EYA4: variants seen among roughly 807,000 people sequenced by gnomAD.
EYA4 encodes the protein EYA transcriptional coactivator and phosphatase 4, also known as protein phosphatase EYA4.
Under a neutral mutation model 87.9 loss-of-function variants are expected in EYA4, and 31 were observed. The ratio of observed to expected loss-of-function variants is 0.35; its 90% confidence interval spans 0.27 to 0.48. The LOEUF (loss-of-function observed/expected upper bound fraction) is 0.48. Ranked by LOEUF, EYA4 falls within the 20% of genes least tolerant of loss-of-function variation. The pLI, the probability that EYA4 is intolerant of heterozygous loss-of-function variation, is 0.99. For missense variants in EYA4, 678 were observed against 761.4 expected, an observed-to-expected ratio of 0.89 and a Z score of 1.29; for synonymous variants, 263 against 270.6, an observed-to-expected ratio of 0.97 and a Z score of 0.28.
At chr6:133,490,651 G>T (rs1450046060) in intron 13 of EYA4, among the ~76,000 whole-genome samples, 1 of 151,932 alleles carries the variant, frequency 6.6e-6, no homozygotes, top group Non-Finnish European at 1.5e-5. Flanking sequence ...TCAGCAACAG[G>T]ATATAACAAT....
rs191313811 is a variant in EYA4 at position 133,268,632 on chromosome 6, T to A, written c.-65-6084T>A. 5.9e-5 allele frequency among the ~76,000 whole-genome samples: 9 copies of A among 152,266 alleles called. No individual in the cohort carries two copies. The East Asian group carries it at 1.7e-3, about 29-fold the overall frequency. On this transcript the variant is annotated intron_variant, in intron 1 of 19. Coordinates refer to ENST00000355286, the MANE Select transcript of EYA4 (RefSeq NM_004100.5). ...CACTTAACTATTTGCGTGCATCATT[T>A]CCAAGGTGAACCTGAGCCAGAGTGG...
intron 11 of EYA4, among the ~76,000 whole-genome samples, chr6:133,469,919 C>A (rs1795181901): frequency 6.6e-6 from 1 of 151,966 alleles, no homozygotes; most frequent in Non-Finnish European, 1.5e-5. Flanking sequence ...TGTCCTTCGC[C>A]CACTTTTTGA....
rs1485897156 is a variant in EYA4, at chr6:133,342,605, A to ATATATATATATATATATATATATATC, written c.34-39787_34-39786insTATATATATATATATATATATATATC. ...TATATATATATATATATATATATATAATTCTTTATATTTCTCTGGGCTTAA... is the reference window on the plus strand; with the variant it reads ...TATATATATATATATATATATATATATATATATATATATATATATATATATCATTCTTTATATTTCTCTGGGCTTAA... On this transcript the variant is annotated intron_variant, in intron 2 of 19. Transcript: ENST00000355286. Among the ~76,000 whole-genome samples the ATATATATATATATATATATATATATC allele has an allele frequency of 1.4e-4, 18 of 130,432 alleles. 1 individual carries two copies. The highest frequency in any genetic ancestry group is 5.9e-4 in the African/African-American group (18 of 30,494). 85.6% of individuals were successfully genotyped at this position (130,432 alleles called of 152,430 possible). A position where few individuals can be genotyped will look rare whatever the true frequency, so the allele number is the denominator to read the frequency against.
At position 133,264,779 on chromosome 6, in the gene EYA4, G is replaced by A. The variant is rs116195336; in HGVS notation, c.-65-9937G>A. 3.2e-3 allele frequency among the ~76,000 whole-genome samples: 492 copies of A among 152,216 alleles called. 2 individuals carry two copies. The highest frequency in any genetic ancestry group is 0.011 in the African/African-American group (454 of 41,536). On this transcript the variant is annotated intron_variant, in intron 1 of 19. Transcript: ENST00000355286. ...TGTGCCCCCTCCACTCCATGTTCAC[G>A]TTTCTTTAGCCAGAGCAAAGCATGC...
intron 3 of EYA4, among the ~76,000 whole-genome samples, chr6:133,388,406 C>CA (rs34444252): frequency 0.58 from 74,825 of 129,090 alleles, 23,774 homozygotes; most frequent in Non-Finnish European, 0.74. Context: ...GACTCGGTCT[C>CA]AAAAAAAAAA....
chr6:133,480,091 C>G (rs1036667871), intron 11 of EYA4, among the ~76,000 whole-genome samples: 1 of 151,936 alleles, frequency 6.6e-6, no homozygotes, highest in Non-Finnish European at 1.5e-5. Context: ...GTTAAATCCC[C>G]CAGATTGTGT....
intron 13 of EYA4, among the ~76,000 whole-genome samples, chr6:133,490,664 T>G (rs1797071349): frequency 6.6e-6 from 1 of 152,186 alleles, no homozygotes; most frequent in Non-Finnish European, 1.5e-5. Context: ...ATAACAATTT[T>G]AAATGTATAT....
At chr6:133,308,944 T>G (rs562015316) in intron 2 of EYA4, among the ~76,000 whole-genome samples, 47 of 139,884 alleles carry the variant, frequency 3.4e-4, no homozygotes, top group African/African-American at 1.2e-3. Context: ...CAGAGAGGTA[T>G]TTTTTTGAAT....
intron 1 of EYA4, among the ~76,000 whole-genome samples, chr6:133,272,489 G>C (rs1376135116): frequency 1.3e-5 from 2 of 152,198 alleles, no homozygotes; most frequent in African/African-American, 4.8e-5. Flanking sequence ...CCCAGTTCAT[G>C]ATAGCCAGTT....
At chr6:133,283,995 A>G (rs1246102404) in intron 2 of EYA4, among the ~76,000 whole-genome samples, 1 of 152,124 alleles carries the variant, frequency 6.6e-6, no homozygotes, top group Non-Finnish European at 1.5e-5. Context: ...AGTTCCATCC[A>G]TGCTACTGCT....
At chr6:133,475,765 G>A (rs1346060858) in intron 11 of EYA4, among the ~76,000 whole-genome samples, 1 of 152,094 alleles carries the variant, frequency 6.6e-6, no homozygotes, top group Non-Finnish European at 1.5e-5. Flanking sequence ...TTAAAAAAAA[G>A]TGTCAACAAA....
intron 2 of EYA4, among the ~76,000 whole-genome samples, chr6:133,276,400 C>T (rs1777167342): frequency 6.6e-6 from 1 of 151,984 alleles, no homozygotes; most frequent in South Asian, 2.1e-4. Context: ...TGTATATACT[C>T]AAGAAAGAAT....
At chr6:133,320,870 C>A (rs1313614163) in intron 2 of EYA4, among the ~76,000 whole-genome samples, 1 of 152,122 alleles carries the variant, frequency 6.6e-6, no homozygotes, top group East Asian at 1.9e-4. Context: ...CTTTTATGGC[C>A]TCCTAGTATC....
At chr6:133,495,718 G>A (rs963069027) in intron 13 of EYA4, among the ~76,000 whole-genome samples, 2 of 152,158 alleles carry the variant, frequency 1.3e-5, no homozygotes, top group African/African-American at 4.8e-5. Context: ...TCTGAAACTT[G>A]AGTGTGTGTC....
intron 1 of EYA4, among the ~76,000 whole-genome samples, chr6:133,273,202 T>C (rs1776880364): frequency 6.6e-6 from 1 of 151,524 alleles, no homozygotes; most frequent in Admixed American, 6.6e-5. Context: ...GGAGAGCCAG[T>C]CCGATTCCCC....
At chr6:133,475,514 GC>G (rs1197011849) in intron 11 of EYA4, among the ~76,000 whole-genome samples, 2 of 152,064 alleles carry the variant, frequency 1.3e-5, no homozygotes, top group Non-Finnish European at 2.9e-5. Flanking sequence ...CTGAAAAGAA[GC>G]CAGTTTCTTA....
At chr6:133,292,590 T>G (rs1252938782) in intron 2 of EYA4, among the ~76,000 whole-genome samples, 1 of 152,182 alleles carries the variant, frequency 6.6e-6, no homozygotes, top group Admixed American at 6.5e-5. Context: ...TGTATCAACA[T>G]TTATACAAGG....
At chr6:133,399,943 G>A (rs1379292566) in intron 3 of EYA4, among the ~76,000 whole-genome samples, 2 of 152,160 alleles carry the variant, frequency 1.3e-5, no homozygotes, top group African/African-American at 4.8e-5. Context: ...GAACAATTAG[G>A]TAGTTAGACC....
chr6:133,506,388 T>C (rs947965021), intron 14 of EYA4, 193 bp downstream of exon 14: 3 of 498,634 alleles, frequency 6.0e-6, no homozygotes, highest in Non-Finnish European at 1.1e-5. Context: ...GAATAATACA[T>C]ATGTAGAACA....
Sources: gnomAD v4.1 joint callset for allele counts (sites outside exome capture counted in the v4.1 genomes callset) on GRCh38, gnomAD v4.1.1 for gene constraint, MANE v1.5 for transcripts, NCBI Gene and HGNC (gene_info 2026-07-23, HGNC 2026-07-21) for gene names.